Variants in TMEM80 observed in about 807,000 individuals in gnomAD.
TMEM80 encodes transmembrane protein 80.
TMEM80 carries 16 observed loss-of-function variants against 13.6 expected under a neutral mutation model. That is an observed-to-expected ratio of 1.17 (90% CI 0.79 to 1.78). TMEM80 has a LOEUF of 1.78. Ranked by LOEUF, TMEM80 falls within the 40% of genes most tolerant of loss-of-function variation. TMEM80 has a pLI of 0.00. For missense variants in TMEM80, 167 were observed against 184.6 expected, an observed-to-expected ratio of 0.90 and a Z score of 0.55; for synonymous variants, 92 against 89.5, an observed-to-expected ratio of 1.03 and a Z score of -0.16.
chr11:699,979 T>C (rs1441329017), intron 2 of TMEM80, 163 bp from the exon 3 acceptor site: 8 of 595,594 alleles, frequency 1.3e-5, no homozygotes. Flanking sequence ...GCAGCCAGCA[T>C]AGTGACAGAA....
chr11:702,263 C>T (rs942038469), intron 4 of TMEM80, among the ~76,000 whole-genome samples: 3 of 152,260 alleles, frequency 2.0e-5, no homozygotes, highest in Non-Finnish European at 1.5e-5. Flanking sequence ...GTCCCAGAAC[C>T]TCTAGAGCTT....
At position 700,180 on chromosome 11, in the gene TMEM80, CG is replaced by C. The variant is rs1564961676; in HGVS notation, c.80del (p.Gly27GlufsTer13). On this transcript the variant is annotated frameshift_variant, in exon 3 of 5. Coordinates refer to ENST00000397510, the MANE Select transcript of TMEM80 (RefSeq NM_001042463.3). LOFTEE classifies it high-confidence loss of function. Reference protein sequence around the residue: ...VPLQMLFYLSGTYYALYFLAT... With the variant: ...VPLQMLFYLSXTYYALYFLAT... ...CCCTTCAAATGCTGTTTTATCTCAG[CG>C]GAACGTACTACGCCCTGTATTTCCT... 6.2e-7 allele frequency: 1 copy of C among 1,614,130 alleles called. No homozygotes were observed. The highest frequency in any genetic ancestry group is 1.1e-5 in the South Asian group (1 of 91,074).
intron 2 of TMEM80, 54 bp downstream of exon 2, chr11:698,942 G>A (rs1448307505): frequency 2.5e-6 from 4 of 1,608,518 alleles, no homozygotes; most frequent in Non-Finnish European, 3.4e-6. Context: ...AATTGCTGCT[G>A]CACAGAGAGC....
At chr11:699,927 G>T in intron 2 of TMEM80, 1 of 554,482 alleles carries the variant, frequency 1.8e-6, no homozygotes. Context: ...TGGCATGGAG[G>T]GGGGTCCCAC....
At chr11:696,810 T>G (rs1590031766) in intron 1 of TMEM80, among the ~76,000 whole-genome samples, 1 of 7,796 alleles carries the variant, frequency 1.3e-4, no homozygotes, top group East Asian at 6.6e-3. Context: ...CCAGGCGCAG[T>G]AGCTCACGCC....
At chr11:700,909 G>A (rs977878336) in intron 4 of TMEM80, 2 of 615,334 alleles carry the variant, frequency 3.3e-6, no homozygotes, top group South Asian at 1.9e-5. Context: ...AATAACACTG[G>A]GGGCATCGTT....
At chr11:704,268 G>T, downstream of TMEM80, 1 of 709,896 alleles carries the variant, frequency 1.4e-6, no homozygotes, top group East Asian at 6.7e-5. Flanking sequence ...TCCGCTCGGT[G>T]GACTCCTGAG....
In TMEM80 at chr11:703,354, A is replaced by G; in HGVS notation, c.*204A>G. 1 of 1,390,152 alleles carries G rather than the reference A, an allele frequency of 7.2e-7. No homozygotes were observed. Among genetic ancestry groups the G allele is most frequent in the Non-Finnish European group, 9.3e-7 (1 of 1,074,334 alleles). 86.1% of individuals were successfully genotyped at this position (1,390,152 alleles called of 1,614,324 possible). On this transcript the variant is annotated 3_prime_UTR_variant, in exon 5 of 5. Transcript: ENST00000397510. ...ACTGCTGGAGGCCCTGGTGTTGGGAACAGCTGCGGGGAGGGTAGGGACCAG... is the reference window on the plus strand; with the variant it reads ...ACTGCTGGAGGCCCTGGTGTTGGGAGCAGCTGCGGGGAGGGTAGGGACCAG...
At chr11:695,926 C>A (rs941223554) in intron 1 of TMEM80, 80 bp downstream of exon 1, 558 of 1,090,900 alleles carry the variant, frequency 5.1e-4, no homozygotes, top group Non-Finnish European at 6.1e-4. Context: ...CCGGTTTCCG[C>A]TTTCGGTGCG....
Position 703,927 on chromosome 11 carries a change from A to C in TMEM80, c.*777A>C, listed in dbSNP as rs777956251. ...GCTTTTGCCTTTTGCACGGAGTGCT[A>C]AACAAATTCTAGCTCTGTGTTTTTT... On this transcript the variant is annotated 3_prime_UTR_variant, in exon 5 of 5. Transcript: ENST00000397510. The C allele has an allele frequency of 8.0e-7, 1 of 1,243,464 alleles. No homozygotes were observed. The highest frequency in any genetic ancestry group is 1.5e-5 in the African/African-American group (1 of 64,608). 77.0% of individuals were successfully genotyped at this position (1,243,464 alleles called of 1,614,324 possible). A position where few individuals can be genotyped will look rare whatever the true frequency, so the allele number is the denominator to read the frequency against.
At chr11:696,629 G>C (rs971285252) in intron 1 of TMEM80, among the ~76,000 whole-genome samples, 3 of 54,836 alleles carry the variant, frequency 5.5e-5, no homozygotes, top group Non-Finnish European at 1.2e-4. Context: ...TCAGCCAGGC[G>C]GTGGCGCACC....
chr11:704,386 G>C (rs2133482189), downstream of TMEM80: 3 of 1,170,322 alleles, frequency 2.6e-6, no homozygotes, highest in Middle Eastern at 6.3e-4. Context: ...CGTGGAAGCG[G>C]TGGGAGCACC....
chr11:703,794 C>T lies in TMEM80; in HGVS notation c.*644C>T. Reference sequence around the variant, plus strand: ...ATTTCCATCTTAGCCACACTTCTCCCTTCAGGGGCTTCGGAGGAGAGGTCA... The same window carrying T: ...ATTTCCATCTTAGCCACACTTCTCCTTTCAGGGGCTTCGGAGGAGAGGTCA... On this transcript the variant is annotated 3_prime_UTR_variant, in exon 5 of 5. Transcript: ENST00000397510. The T allele has an allele frequency of 8.1e-7, 1 of 1,233,364 alleles. No homozygotes were observed. The highest frequency in any genetic ancestry group is 4.2e-5 in the Admixed American group (1 of 23,902). The allele number at this position is 1,233,364 out of a possible 1,614,324, so 76.4% of individuals were successfully genotyped here.
At chr11:701,015 C>G in intron 4 of TMEM80, 1 of 445,256 alleles carries the variant, frequency 2.2e-6, no homozygotes, top group South Asian at 2.4e-5. Context: ...ATCTGGAGCT[C>G]CGGAATATTC....
chr11:698,520 G>A (rs1379714216), intron 1 of TMEM80, among the ~76,000 whole-genome samples: 1 of 152,208 alleles, frequency 6.6e-6, no homozygotes, highest in Non-Finnish European at 1.5e-5. Flanking sequence ...AGAAGCCACA[G>A]ACGGTGAGCC....
rs954047470 is a variant in TMEM80, at chr11:703,626, G to A, written c.*476G>A. ...CAGGCCCCACCTGTGTTTCCAAGTC[G>A]GGCTGGAGACGCAGGATGGGGTAGG... is the stretch of plus-strand genomic sequence containing the variant. On this transcript the variant is annotated 3_prime_UTR_variant, in exon 5 of 5. Coordinates refer to ENST00000397510, the MANE Select transcript of TMEM80 (RefSeq NM_001042463.3). 8.1e-6 allele frequency: 10 copies of A among 1,232,766 alleles called. No homozygotes were observed. Among genetic ancestry groups the A allele is most frequent in the East Asian group, 6.3e-5 (2 of 31,724 alleles). The allele number at this position is 1,232,766 out of a possible 1,614,324, so 76.4% of individuals were successfully genotyped here. A position where few individuals can be genotyped will look rare whatever the true frequency, so the allele number is the denominator to read the frequency against.
At chr11:700,368 A>G in intron 3 of TMEM80, 133 bp downstream of exon 3, 3 of 871,116 alleles carry the variant, frequency 3.4e-6, no homozygotes, top group Admixed American at 2.3e-5. Flanking sequence ...CTCTACTAAA[A>G]ACACAAAAAG....
rs932616766 is a variant in TMEM80, at chr11:703,399, G to A, written c.*249G>A. On this transcript the variant is annotated 3_prime_UTR_variant, in exon 5 of 5. Coordinates refer to ENST00000397510, the MANE Select transcript of TMEM80 (RefSeq NM_001042463.3). ...GACCAGACAGAACTGCCTTCAAGATGAGTCCCAGGAGCGCACACTCAGCCC... is the reference window on the plus strand; with the variant it reads ...GACCAGACAGAACTGCCTTCAAGATAAGTCCCAGGAGCGCACACTCAGCCC... 3 of 1,347,362 alleles carry A rather than the reference G, an allele frequency of 2.2e-6. No homozygotes were observed. The highest frequency in any genetic ancestry group is 2.1e-5 in the South Asian group (1 of 46,812). 83.5% of individuals were successfully genotyped at this position (1,347,362 alleles called of 1,614,324 possible).
chr11:704,660 C>T (rs1193385937), downstream of TMEM80: 13 of 1,287,596 alleles, frequency 1.0e-5, no homozygotes, highest in South Asian at 1.5e-4. Flanking sequence ...ATCCTGATAC[C>T]TCCAGTCTCA....
Sources: allele counts gnomAD v4.1 joint callset (sites outside exome capture counted in the v4.1 genomes callset), GRCh38; gene constraint gnomAD v4.1.1; transcripts MANE v1.5; gene names NCBI Gene and HGNC (gene_info 2026-07-23, HGNC 2026-07-21).